Variants in XKR6 observed in about 807,000 individuals in gnomAD.
The protein encoded by XKR6 is XK related 6.
XKR6 carries 22 observed loss-of-function variants against 56.7 expected under a neutral mutation model. That is an observed-to-expected ratio of 0.39 (90% CI 0.28 to 0.55). The LOEUF is 0.55. Among genes scored for constraint, XKR6 ranks in the 20% least tolerant of loss-of-function variants. The pLI is 0.66. For missense variants in XKR6, 852 were observed against 889.0 expected, an observed-to-expected ratio of 0.96 and a Z score of 0.53; for synonymous variants, 524 against 387.8, an observed-to-expected ratio of 1.35 and a Z score of -4.13.
At chr8:11,108,619 C>G in intron 1 of XKR6, 1 of 306,848 alleles carries the variant, frequency 3.3e-6, no homozygotes, top group South Asian at 2.8e-5. Flanking sequence ...CAGAGAGTTT[C>G]CGTCCATTTC....
intron 1 of XKR6, among the ~76,000 whole-genome samples, chr8:10,977,328 C>T (rs796539687): frequency 2.7e-4 from 41 of 152,178 alleles, no homozygotes; most frequent in African/African-American, 9.1e-4. Context: ...ATCCCAGGGA[C>T]ACCCTGCCCT....
intron 1 of XKR6, chr8:11,125,865 C>G (rs1002217396): frequency 2.6e-5 from 4 of 152,174 alleles, no homozygotes; most frequent in African/African-American, 9.7e-5. Flanking sequence ...TACAACAAAA[C>G]CGATGCTCTC....
intron 1 of XKR6, among the ~76,000 whole-genome samples, chr8:10,974,800 G>C (rs865952040): frequency 1.6e-4 from 25 of 152,220 alleles, no homozygotes; most frequent in Admixed American, 4.6e-4. Flanking sequence ...CTCGAGGTGG[G>C]AACTCCTGGG....
rs143385135 is a variant in XKR6, at chr8:11,004,161, TGCTCAAGTCTATGTTAAAAA to T, written c.765-79351_765-79332del. Among the ~76,000 whole-genome samples, 1,077 of 152,176 alleles carry T rather than the reference TGCTCAAGTCTATGTTAAAAA, an allele frequency of 7.1e-3. 9 individuals carry two copies. Among genetic ancestry groups the T allele is most frequent in the African/African-American group, 0.024 (984 of 41,484 alleles). ...GGAGTCTTGGGCTGGGGCAGTGAAA[TGCTCAAGTCTATGTTAAAAA>T]GCTCCTGTGGGGCCGGGCGTGGTGG... On this transcript the variant is annotated intron_variant, in intron 1 of 2. Transcript: ENST00000416569.
chr8:10,943,678 A>G (rs765491648), intron 1 of XKR6, among the ~76,000 whole-genome samples: 24 of 152,202 alleles, frequency 1.6e-4, no homozygotes, highest in Non-Finnish European at 2.6e-4. Context: ...AAGCCTCCAG[A>G]AAGCCTTACG....
At chr8:10,935,130 G>A (rs1471939403) in intron 1 of XKR6, among the ~76,000 whole-genome samples, 3 of 89,814 alleles carry the variant, frequency 3.3e-5, no homozygotes, top group East Asian at 2.0e-4. Flanking sequence ...AGTCTTGGGA[G>A]AGTGTATGTG....
chr8:11,017,158 T>A (rs1798644060), intron 1 of XKR6, among the ~76,000 whole-genome samples: 1 of 152,170 alleles, frequency 6.6e-6, no homozygotes, highest in Admixed American at 6.5e-5. Context: ...TACATATAGA[T>A]GACAGAGATA....
chr8:11,144,180 A>T (rs2116946770), intron 1 of XKR6, among the ~76,000 whole-genome samples: 1 of 150,134 alleles, frequency 6.7e-6, no homozygotes, highest in Non-Finnish European at 1.5e-5. Flanking sequence ...CAGTCCATAA[A>T]CGCTGTATAT....
intron 1 of XKR6, among the ~76,000 whole-genome samples, chr8:11,178,676 A>T (rs1347497077): frequency 1.5e-5 from 2 of 132,934 alleles, no homozygotes; most frequent in Admixed American, 7.2e-5. Context: ...CACAGAGATA[A>T]ATATATATAT....
Position 11,028,141 on chromosome 8 carries a change from C to T in XKR6, c.765-103311G>A, listed in dbSNP as rs546455594. Among the ~76,000 whole-genome samples, 12 of 134,158 alleles carry T rather than the reference C, an allele frequency of 8.9e-5. No individual in the cohort carries two copies. In the South Asian group the frequency reaches 2.7e-3, roughly 31 times the overall value. The allele number at this position is 134,158 out of a possible 152,430, so 88.0% of individuals were successfully genotyped here. The stretch of plus-strand genomic sequence containing the variant: ...GTTCATCCCTGCCTCCCTCCAACCC[C>T]GGCAACCACCGAGATATTTACTCTC... On this transcript the variant is annotated intron_variant, in intron 1 of 2. Transcript: ENST00000416569.
intron 1 of XKR6, among the ~76,000 whole-genome samples, chr8:10,931,543 T>C (rs535061216): frequency 1.1e-4 from 16 of 152,272 alleles, no homozygotes; most frequent in South Asian, 8.3e-4. Flanking sequence ...CAGTGTAGCA[T>C]TGGCCAAGAG....
intron 1 of XKR6, among the ~76,000 whole-genome samples, chr8:11,080,052 C>A (rs1797663118): frequency 1.3e-5 from 2 of 152,016 alleles, no homozygotes; most frequent in African/African-American, 2.4e-5. Context: ...TCCCCAAACA[C>A]CTCTAAACAA....
At chr8:11,185,306 A>T (rs1236470818) in intron 1 of XKR6, among the ~76,000 whole-genome samples, 1 of 152,214 alleles carries the variant, frequency 6.6e-6, no homozygotes, top group African/African-American at 2.4e-5. Context: ...TAATGCTAGA[A>T]GTGTTTTGGT....
intron 1 of XKR6, among the ~76,000 whole-genome samples, chr8:10,949,321 C>G (rs1299848599): frequency 6.6e-6 from 1 of 152,236 alleles, no homozygotes; most frequent in African/African-American, 2.4e-5. Context: ...GGGAGAAGGC[C>G]TGCCCTTGGT....
chr8:11,071,554 T>G (rs1483508399), intron 1 of XKR6, among the ~76,000 whole-genome samples: 1 of 122,796 alleles, frequency 8.1e-6, no homozygotes, highest in African/African-American at 3.5e-5. Flanking sequence ...GAGCCCCGAG[T>G]CCATGAGCCC....
intron 1 of XKR6, among the ~76,000 whole-genome samples, chr8:11,047,205 C>G (rs139522322): frequency 6.6e-6 from 1 of 152,062 alleles, no homozygotes; most frequent in African/African-American, 2.4e-5. Context: ...AGCTTACTTG[C>G]GGGAATCATT....
chr8:11,193,940 T>A (rs1461119714), intron 1 of XKR6, among the ~76,000 whole-genome samples: 1 of 152,164 alleles, frequency 6.6e-6, no homozygotes, highest in Non-Finnish European at 1.5e-5. Flanking sequence ...GCTGATAAAG[T>A]CAGCACAAGT....
intron 1 of XKR6, among the ~76,000 whole-genome samples, chr8:10,962,543 C>G (rs1268403735): frequency 6.6e-6 from 1 of 152,134 alleles, no homozygotes; most frequent in Non-Finnish European, 1.5e-5. Context: ...TAAGGAAGTT[C>G]CAACTTTTGG....
intron 1 of XKR6, among the ~76,000 whole-genome samples, chr8:11,181,376 T>G (rs10100660): frequency 6.6e-6 from 1 of 152,170 alleles, no homozygotes; most frequent in East Asian, 1.9e-4. Context: ...TCAGATGACA[T>G]GCTTGCCTAA....
Sources: allele counts gnomAD v4.1 joint callset (sites outside exome capture counted in the v4.1 genomes callset), GRCh38; gene constraint gnomAD v4.1.1; transcripts MANE v1.5; gene names NCBI Gene and HGNC (gene_info 2026-07-23, HGNC 2026-07-21).